The following STAT3 variants were observed in gnomAD, a reference collection of about 807,000 sequenced individuals.
STAT3 encodes the protein DNA-binding protein APRF.
Under a neutral mutation model 114.3 loss-of-function variants are expected in STAT3, and 7 were observed. The ratio of observed to expected loss-of-function variants is 0.06; its 90% CI spans 0.03 to 0.11. STAT3 has a LOEUF of 0.11. Among genes scored for constraint, STAT3 ranks in the 10% least tolerant of loss-of-function variants. STAT3 has a pLI of 1.00. For synonymous variants in STAT3, 331 were observed against 354.5 expected (o/e 0.93, Z 0.74); for missense variants, 364 against 960.9 (o/e 0.38, Z 8.21).
chr17:42,358,491 G>A (rs2083338363), intron 1 of STAT3, among the ~76,000 whole-genome samples: 1 of 152,198 alleles, frequency 6.6e-6, no homozygotes, highest in Non-Finnish European at 1.5e-5. Context: ...TGAGTGCACA[G>A]TTGATTGTTA....
chr17:42,333,699 G>C lies in STAT3; in HGVS notation c.1023C>G (p.Thr341=), dbSNP rs777436789. 6.2e-7 allele frequency: 1 copy of C among 1,614,144 alleles called. No homozygotes were observed. Among genetic ancestry groups the C allele is most frequent in the East Asian group, 2.2e-5 (1 of 44,884 alleles). The change falls in exon 10 of 24, where the codon ACC becomes ACG. Residue 341 remains threonine, a synonymous_variant. Coordinates refer to ENST00000264657, the MANE Select transcript of STAT3 (RefSeq NM_139276.3). The surrounding 1 kb of genome is among the most constrained non-coding windows in gnomAD (Gnocchi z 5.2). The part of the protein sequence containing the change: ...MHPDRPLVIK[T]GVQFTTKVRL... ...TGACTTTAGTAGTGAACTGGACGCC[G>C]GTCTTGATGACGAGGGGCCGGTCAG...
In STAT3 at chr17:42,315,814, C is replaced by G; in HGVS notation, c.2258-14G>C. 6.2e-7 allele frequency: 1 copy of G among 1,614,020 alleles called. No homozygotes were observed. The highest frequency in any genetic ancestry group is 8.5e-7 in the Non-Finnish European group (1 of 1,180,016). ...AGGTGAGGGACTCTGGAGGGACAGA[C>G]AGGGAAAACTAGTTCAGTTGTCCAC... On this transcript the variant is annotated splice_polypyrimidine_tract_variant and intron_variant, in intron 23 of 23. Coordinates refer to ENST00000264657, the MANE Select transcript of STAT3 (RefSeq NM_139276.3).
At chr17:42,330,285 T>G (rs2081946624) in intron 11 of STAT3, among the ~76,000 whole-genome samples, 1 of 151,360 alleles carries the variant, frequency 6.6e-6, no homozygotes, top group African/African-American at 2.4e-5. Flanking sequence ...CCTGGCTAAT[T>G]TTGTATTTTT....
chr17:42,343,162 A>ACC (rs2082522298), intron 4 of STAT3, among the ~76,000 whole-genome samples: 1 of 146,056 alleles, frequency 6.8e-6, no homozygotes. Flanking sequence ...ACAGAGTGAG[A>ACC]CTGTCTCAAA....
intron 19 of STAT3, 53 bp from the exon 20 acceptor site, chr17:42,323,196 CCT>C (rs1598393833): frequency 1.9e-6 from 3 of 1,614,174 alleles, no homozygotes; most frequent in Non-Finnish European, 1.7e-6. Context: ...GCATCCATCC[CCT>C]GCCACTGGCT....
At chr17:42,319,643 C>G (rs1400167448) in intron 21 of STAT3, among the ~76,000 whole-genome samples, 1 of 151,540 alleles carries the variant, frequency 6.6e-6, no homozygotes, top group African/African-American at 2.4e-5. Context: ...TAAGTGGCTC[C>G]GAACCTCTCC....
At chr17:42,366,229 T>A (rs944943529) in intron 1 of STAT3, among the ~76,000 whole-genome samples, 8 of 152,132 alleles carry the variant, frequency 5.3e-5, no homozygotes, top group Admixed American at 1.3e-4. Flanking sequence ...GTCTCCCCCA[T>A]TCTAGCAAGT....
At chr17:42,317,475 A>G in intron 21 of STAT3, 1 of 582,520 alleles carries the variant, frequency 1.7e-6, no homozygotes, top group Non-Finnish European at 3.1e-6. Flanking sequence ...ACTTTTCAGC[A>G]TAACCTTTTC....
In STAT3 at chr17:42,337,274, G is replaced by A. The variant is rs1026977657; in HGVS notation, c.797+161C>T. On this transcript the variant is annotated intron_variant, in intron 8 of 23. Transcript: ENST00000264657. The surrounding 1 kb of genome is among the most constrained non-coding windows in gnomAD (Gnocchi z 4.0). ...TGGGATTACAGGTGTGAGCCACAGC[G>A]CCTGGCCGAAATAAAGTAAAAACTT... Among the ~76,000 whole-genome samples the A allele has an allele frequency of 1.3e-5, 2 of 152,140 alleles. No homozygotes were observed. The highest frequency in any genetic ancestry group is 1.9e-4 in the East Asian group (1 of 5,206).
rs1018089675 is a variant in STAT3 at position 42,318,144 on chromosome 17, G to A, written c.2102-920C>T. ...TTTTTGTCTTTTTTTTTTTTGAGAC[G>A]GAGTCTTGCTCTCTTTCGCCCAGGT... On this transcript the variant is annotated intron_variant, in intron 21 of 23. Transcript: ENST00000264657. Among the ~76,000 whole-genome samples, 20 of 150,892 alleles carry A rather than the reference G, an allele frequency of 1.3e-4. 1 individual carries two copies. The highest frequency in any genetic ancestry group is 7.4e-5 in the Non-Finnish European group (5 of 67,784).
intron 1 of STAT3, among the ~76,000 whole-genome samples, chr17:42,371,364 C>A (rs536764966): frequency 6.6e-6 from 1 of 152,062 alleles, no homozygotes; most frequent in Non-Finnish European, 1.5e-5. Flanking sequence ...GCGGCTAACA[C>A]GTCTTCACAG....
rs10775 is a variant in STAT3, at chr17:42,313,911, C to T, written c.*1834G>A. The T allele has an allele frequency of 2.6e-5, 6 of 232,518 alleles. No individual in the cohort carries two copies. The highest frequency in any genetic ancestry group is 5.1e-5 in the Non-Finnish European group (6 of 117,266). The allele number at this position is 232,518 out of a possible 1,614,324, so 14.4% of individuals were successfully genotyped here. ...TTCATCTTAGAGAAGGTCGTCTCCC[C>T]CTTAATTCAGAGACCAGCTAATTTG... On this transcript the variant is annotated 3_prime_UTR_variant, in exon 24 of 24. Transcript: ENST00000264657.
chr17:42,372,351 T>C (rs2084197179), intron 1 of STAT3, among the ~76,000 whole-genome samples: 1 of 152,028 alleles, frequency 6.6e-6, no homozygotes, highest in Non-Finnish European at 1.5e-5. Flanking sequence ...GGTATATCCA[T>C]ACAATAGAGT....
At chr17:42,344,837 GCTACT>G (rs1337449074) in intron 4 of STAT3, among the ~76,000 whole-genome samples, 3 of 151,710 alleles carry the variant, frequency 2.0e-5, no homozygotes, top group Non-Finnish European at 4.4e-5. Flanking sequence ...ACAGGCGTGA[GCTACT>G]ACACCTGGCT....
At chr17:42,316,463 C>G in intron 23 of STAT3, 1 of 458,636 alleles carries the variant, frequency 2.2e-6, no homozygotes, top group South Asian at 1.8e-5. Flanking sequence ...AAGTGATCCA[C>G]CCACCTCGGC....
At chr17:42,330,435 CTTT>C (rs551847953) in intron 11 of STAT3, among the ~76,000 whole-genome samples, 2 of 98,104 alleles carry the variant, frequency 2.0e-5, no homozygotes, top group Non-Finnish European at 2.1e-5. Context: ...CTTTTCTTTT[CTTT>C]TTTTTTTTTT....
chr17:42,367,156 TA>T (rs947440176), intron 1 of STAT3, among the ~76,000 whole-genome samples: 1 of 149,060 alleles, frequency 6.7e-6, no homozygotes, highest in African/African-American at 2.5e-5. Flanking sequence ...AACATAAACA[TA>T]AAAATAAATA....
At chr17:42,369,428 A>G (rs1253669359) in intron 1 of STAT3, among the ~76,000 whole-genome samples, 1 of 152,152 alleles carries the variant, frequency 6.6e-6, no homozygotes, top group Non-Finnish European at 1.5e-5. Context: ...AGTATTCCAC[A>G]GTGTATGTAC....
Position 42,330,922 on chromosome 17 carries a change from G to T in STAT3, c.1109+550C>A, listed in dbSNP as rs187540363. 1.1e-4 allele frequency among the ~76,000 whole-genome samples: 17 copies of T among 152,236 alleles called. No individual in the cohort carries two copies. In the East Asian group the frequency reaches 3.3e-3, roughly 29 times the overall value. On this transcript the variant is annotated intron_variant, in intron 11 of 23. Coordinates refer to ENST00000264657, the MANE Select transcript of STAT3 (RefSeq NM_139276.3). ...GTCAACAACAAAATGCATATATGAT[G>T]GTGGTCCCATAAGATTATCATGGAG...
Sources: allele counts gnomAD v4.1 joint callset (sites outside exome capture counted in the v4.1 genomes callset), GRCh38; gene constraint gnomAD v4.1.1; non-coding constraint Gnocchi (gnomAD v3.1); transcripts MANE v1.5; gene names NCBI Gene and HGNC (gene_info 2026-07-23, HGNC 2026-07-21).